OR2Z1: variants seen among roughly 807,000 people sequenced by gnomAD.
OR2Z1 encodes the protein olfactory receptor 2Z1.
For missense variants in OR2Z1, 449 were observed against 401.8 expected (o/e 1.12, Z -1.00); for synonymous variants, 188 against 160.6 (o/e 1.17, Z -1.29).
rs981739206 is a variant in OR2Z1 at position 8,726,166 on chromosome 19, C to T, written c.-170+3016C>T. ...ATTTTTAGTAGAGACAGGGTTTCAC[C>T]GTGTTGACCAGGCTGGTTGCAAACT... On this transcript the variant is annotated intron_variant, in intron 2 of 2. Coordinates refer to ENST00000641125, the MANE Select transcript of OR2Z1 (RefSeq NM_001004699.3). 3.9e-5 allele frequency among the ~76,000 whole-genome samples: 6 copies of T among 152,114 alleles called. No individual in the cohort carries two copies. The East Asian group carries it at 5.8e-4, about 15-fold the overall frequency.
rs2043309497 is a variant in OR2Z1 at position 8,721,935 on chromosome 19, G to A, written c.-322G>A. 6.6e-6 allele frequency: 1 copy of A among 152,176 alleles called. No homozygotes were observed. The highest frequency in any genetic ancestry group is 1.5e-5 in the Non-Finnish European group (1 of 68,050). The allele number at this position is 152,176 out of a possible 1,614,324, so 9.4% of individuals were successfully genotyped here. ...CAGAATTCCAGGGAAGATGAGTTGAGTGTTAAGTCCAAGAAAGAGACAGTG... is the reference window on the plus strand; with the variant it reads ...CAGAATTCCAGGGAAGATGAGTTGAATGTTAAGTCCAAGAAAGAGACAGTG... On this transcript the variant is annotated 5_prime_UTR_variant, in exon 1 of 3. It adds an upstream start codon to the 5' untranslated region. Coordinates refer to ENST00000641125, the MANE Select transcript of OR2Z1 (RefSeq NM_001004699.3).
chr19:8,729,845 C>A (rs1265242010), intron 2 of OR2Z1, among the ~76,000 whole-genome samples: 1 of 152,032 alleles, frequency 6.6e-6, no homozygotes, highest in African/African-American at 2.4e-5. Context: ...CCGCCTCGGC[C>A]TCTCAAAGTG....
chr19:8,732,034 A>G lies in OR2Z1; in HGVS notation c.*61A>G, dbSNP rs1460836412. ...TCGATCCCACCCACCTTCCCAAAGT[A>G]TGCATTTGGCATTCAATTGCCAATT... is the stretch of plus-strand genomic sequence containing the variant. On this transcript the variant is annotated 3_prime_UTR_variant, in exon 3 of 3. Coordinates refer to ENST00000641125, the MANE Select transcript of OR2Z1 (RefSeq NM_001004699.3). 4.5e-6 allele frequency: 6 copies of G among 1,337,382 alleles called. No individual in the cohort carries two copies. In the Admixed American group the frequency reaches 6.4e-5, roughly 14 times the overall value. The allele number at this position is 1,337,382 out of a possible 1,614,324, so 82.8% of individuals were successfully genotyped here. A position where few individuals can be genotyped will look rare whatever the true frequency, so the allele number is the denominator to read the frequency against.
rs367757531 is a variant in OR2Z1 at position 8,731,532 on chromosome 19, C to G, written c.504C>G (p.Tyr168Ter). The change falls in exon 3 of 3, where the codon TAC becomes TAG. Residue 168 changes from tyrosine (Y) to a stop codon, truncating the protein, a stop_gained. Transcript: ENST00000641125. LOFTEE classifies it low-confidence loss of function (END_TRUNC). ...CCTCCATCACCCTGCATTTTCCCTA[C>G]TGTGCCTCCCGTATTGTGGATCACT... The part of the protein sequence containing the change: ...IQTSITLHFP[Y>*]CASRIVDHFF... 6.2e-7 allele frequency: 1 copy of G among 1,614,150 alleles called. No homozygotes were observed. The highest frequency in any genetic ancestry group is 1.3e-5 in the African/African-American group (1 of 75,028).
In OR2Z1 at chr19:8,731,050, G is replaced by T. The variant is rs1555756676; in HGVS notation, c.22G>T (p.Val8Leu). 12 of 1,613,976 alleles carry T rather than the reference G, an allele frequency of 7.4e-6. No homozygotes were observed. The highest frequency in any genetic ancestry group is 8.5e-6 in the Non-Finnish European group (10 of 1,179,974). ...AAACATGGGGGATGTGAATCAGTCG[G>T]TGGCCTCAGACTTCATTCTGGTGGG... is the stretch of plus-strand genomic sequence containing the variant. Reference protein sequence around the residue: MGDVNQSVASDFILVGLF... With the variant: MGDVNQSLASDFILVGLF... Residue 8 changes from valine to leucine, a missense_variant, in exon 3 of 3, where the codon GTG (valine) becomes TTG (leucine). Coordinates refer to ENST00000641125, the MANE Select transcript of OR2Z1 (RefSeq NM_001004699.3).
At chr19:8,729,886 G>A (rs1371837506) in intron 2 of OR2Z1, among the ~76,000 whole-genome samples, 3 of 152,052 alleles carry the variant, frequency 2.0e-5, no homozygotes, top group African/African-American at 7.2e-5. Context: ...CACCATCCCC[G>A]GGCTCCAAGA....
At position 8,731,324 on chromosome 19, in the gene OR2Z1, C is replaced by G. The variant is rs782316739; in HGVS notation, c.296C>G (p.Ala99Gly). The G allele has an allele frequency of 3.7e-6, 6 of 1,614,102 alleles. No homozygotes were observed. The Admixed American group carries it at 1.0e-4, about 27-fold the overall frequency. The change falls in exon 3 of 3, where the codon GCT becomes GGT. Residue 99 changes from alanine (A) to glycine (G), a missense_variant. Ala to Gly is a moderately conservative substitution (Grantham distance 60). Coordinates refer to ENST00000641125, the MANE Select transcript of OR2Z1 (RefSeq NM_001004699.3). The part of the protein sequence containing the change: ...EGATSYGGGA[A>G]QIFFLTLMGV... ...GCCACCTCCTATGGAGGTGGTGCAGCTCAAATATTCTTCCTCACACTGATG... is the reference window on the plus strand; with the variant it reads ...GCCACCTCCTATGGAGGTGGTGCAGGTCAAATATTCTTCCTCACACTGATG...
Position 8,721,814 on chromosome 19 carries a change from A to C in OR2Z1, c.-443A>C, listed in dbSNP as rs1281131473. On this transcript the variant is annotated 5_prime_UTR_variant, in exon 1 of 3. Transcript: ENST00000641125. ...ACCTTGGCCATGGGGCCGGGACTAG[A>C]ACAACCCATCTGGCATGGGCTGGAA... 1 of 152,230 alleles carries C rather than the reference A, an allele frequency of 6.6e-6. No individual in the cohort carries two copies. The highest frequency in any genetic ancestry group is 1.5e-5 in the Non-Finnish European group (1 of 68,058). The allele number at this position is 152,230 out of a possible 1,614,324, so 9.4% of individuals were successfully genotyped here.
rs782785092 is a variant in OR2Z1 at position 8,731,980 on chromosome 19, A to G, written c.*7A>G. On this transcript the variant is annotated 3_prime_UTR_variant, in exon 3 of 3. Coordinates refer to ENST00000641125, the MANE Select transcript of OR2Z1 (RefSeq NM_001004699.3). ...ACTCAGGCAAATGTGCTGACTACATAGAAACTGCTGGTGAGATTCCAGCGG... is the reference window on the plus strand; with the variant it reads ...ACTCAGGCAAATGTGCTGACTACATGGAAACTGCTGGTGAGATTCCAGCGG... The G allele has an allele frequency of 2.5e-6, 4 of 1,602,924 alleles. No individual in the cohort carries two copies. Among genetic ancestry groups the G allele is most frequent in the Non-Finnish European group, 3.4e-6 (4 of 1,171,900 alleles).
rs2043309150 is a variant in OR2Z1, at chr19:8,721,849, G to T, written c.-408G>T. Reference sequence around the variant, plus strand: ...CTGGCATGGGCTGGAAGCACCTTCAGCTCACTTTCTGGAGACTGTGACCAT... The same window carrying T: ...CTGGCATGGGCTGGAAGCACCTTCATCTCACTTTCTGGAGACTGTGACCAT... On this transcript the variant is annotated 5_prime_UTR_variant, in exon 1 of 3. Transcript: ENST00000641125. 1 of 152,234 alleles carries T rather than the reference G, an allele frequency of 6.6e-6. No homozygotes were observed. Among genetic ancestry groups the T allele is most frequent in the African/African-American group, 2.4e-5 (1 of 41,456 alleles). 9.4% of individuals were successfully genotyped at this position (152,234 alleles called of 1,614,324 possible).
At chr19:8,724,521 C>T (rs962141831) in intron 2 of OR2Z1, among the ~76,000 whole-genome samples, 1 of 152,104 alleles carries the variant, frequency 6.6e-6, no homozygotes, top group Non-Finnish European at 1.5e-5. Context: ...CCACACCCAG[C>T]CTAATAGTGT....
chr19:8,723,128 A>G lies in OR2Z1; in HGVS notation c.-192A>G, dbSNP rs1163516574. 1 of 152,148 alleles carries G rather than the reference A, an allele frequency of 6.6e-6. No homozygotes were observed. The highest frequency in any genetic ancestry group is 1.5e-5 in the Non-Finnish European group (1 of 68,050). 9.4% of individuals were successfully genotyped at this position (152,148 alleles called of 1,614,324 possible). ...CAGATGCATCAAAGACAGTGGGACC[A>G]CCTGGGCACCCTGAAAGGAAAGGTG... On this transcript the variant is annotated 5_prime_UTR_variant, in exon 2 of 3. Transcript: ENST00000641125.
intron 2 of OR2Z1, among the ~76,000 whole-genome samples, chr19:8,729,614 G>T (rs2043342871): frequency 6.6e-6 from 1 of 151,076 alleles, no homozygotes; most frequent in Non-Finnish European, 1.5e-5. Context: ...TTTTTTGACG[G>T]AGTTTTGCTC....
intron 2 of OR2Z1, among the ~76,000 whole-genome samples, chr19:8,726,709 A>C (rs1276076802): frequency 6.6e-6 from 1 of 152,154 alleles, no homozygotes; most frequent in African/African-American, 2.4e-5. Flanking sequence ...TGTTGAATGC[A>C]TGGATGAATG....
chr19:8,727,460 C>G (rs782817163), intron 2 of OR2Z1, among the ~76,000 whole-genome samples: 3 of 152,064 alleles, frequency 2.0e-5, no homozygotes, highest in African/African-American at 7.3e-5. Context: ...AAAACTCAGA[C>G]GAGTTAATGG....
intron 2 of OR2Z1, among the ~76,000 whole-genome samples, chr19:8,730,645 C>T (rs2043348049): frequency 6.6e-6 from 1 of 152,132 alleles, no homozygotes; most frequent in South Asian, 2.1e-4. Context: ...GTCTCGAACT[C>T]CTGACCTCGT....
chr19:8,728,420 C>G (rs2043336599), intron 2 of OR2Z1, among the ~76,000 whole-genome samples: 1 of 152,168 alleles, frequency 6.6e-6, no homozygotes, highest in African/African-American at 2.4e-5. Flanking sequence ...GCTGCTCTCC[C>G]ATCCAATGCA....
intron 2 of OR2Z1, chr19:8,729,043 G>A (rs1284492024): frequency 2.1e-5 from 22 of 1,070,088 alleles, no homozygotes; most frequent in Middle Eastern, 2.5e-4. Flanking sequence ...GGCTGCCTCC[G>A]GAGTCACAGT....
intron 2 of OR2Z1, among the ~76,000 whole-genome samples, chr19:8,727,276 C>T (rs1568438295): frequency 6.6e-6 from 1 of 152,156 alleles, no homozygotes; most frequent in Non-Finnish European, 1.5e-5. Context: ...CATGAAGCAG[C>T]CACTTTGGGC....
Sources: gnomAD v4.1 joint callset for allele counts (sites outside exome capture counted in the v4.1 genomes callset) on GRCh38, gnomAD v4.1.1 for gene constraint, MANE v1.5 for transcripts, NCBI Gene and HGNC (gene_info 2026-07-23, HGNC 2026-07-21) for gene names.